The following CASQ1 variants were observed in gnomAD, a reference collection of about 807,000 sequenced individuals.
CASQ1 encodes the protein calsequestrin-1.
Under a neutral mutation model 49.5 loss-of-function variants are expected in CASQ1, and 40 were observed. The observed-to-expected ratio is 0.81, with a 90% CI of 0.63 to 1.05. The LOEUF (loss-of-function observed/expected upper bound fraction) is 1.05. Ranked by LOEUF, CASQ1 falls within the 50% of genes least tolerant of loss-of-function variation. CASQ1 has a pLI of 0.00. For missense variants in CASQ1, 469 were observed against 486.9 expected, an observed-to-expected ratio of 0.96 and a Z score of 0.35; for synonymous variants, 174 against 187.2, an observed-to-expected ratio of 0.93 and a Z score of 0.58.
In CASQ1 at chr1:160,198,365, G is replaced by T. The variant is rs1487490189; in HGVS notation, c.829-312G>T. On this transcript the variant is annotated intron_variant, in intron 7 of 10. Coordinates refer to ENST00000368078, the MANE Select transcript of CASQ1 (RefSeq NM_001231.5). ...ACTAAAAATACAAAATTAGCCAGGT[G>T]TGGTGGCGCATGGCTGTAATCCCAG... 14 of 233,384 alleles carry T rather than the reference G, an allele frequency of 6.0e-5. No homozygotes were observed. In the Admixed American group the frequency reaches 7.1e-4, roughly 12 times the overall value. The allele number at this position is 233,384 out of a possible 1,614,324, so 14.5% of individuals were successfully genotyped here.
intron 9 of CASQ1, 128 bp downstream of exon 9, chr1:160,199,181 G>T (rs755277406): frequency 1.5e-6 from 1 of 684,934 alleles, no homozygotes; most frequent in Non-Finnish European, 2.6e-6. Flanking sequence ...GAGGGTATGC[G>T]TGTTGCATGC....
chr1:160,201,320 G>T lies in CASQ1; in HGVS notation c.1135G>T (p.Asp379Tyr). Reference sequence around the variant, plus strand: ...TGAGGAGCTGGAGGACTGGCTGGAGGATGTCCTGGAGGGCGAGATCAACAC... The same window carrying T: ...TGAGGAGCTGGAGGACTGGCTGGAGTATGTCCTGGAGGGCGAGATCAACAC... ...SAEELEDWLE[D>Y]VLEGEINTED... The change falls in exon 11 of 11, where the codon GAT becomes TAT. Residue 379 changes from aspartate (D) to tyrosine (Y), a missense_variant. Transcript: ENST00000368078. 1.2e-6 allele frequency: 2 copies of T among 1,608,444 alleles called. No individual in the cohort carries two copies. The highest frequency in any genetic ancestry group is 1.7e-6 in the Non-Finnish European group (2 of 1,177,052).
chr1:160,198,376 T>C (rs1485622631), intron 7 of CASQ1: 6 of 242,668 alleles, frequency 2.5e-5, no homozygotes, highest in African/African-American at 1.3e-4. Context: ...TGGTGGCGCA[T>C]GGCTGTAATC....
intron 2 of CASQ1, 90 bp downstream of exon 2, chr1:160,192,976 C>T (rs1204681807): frequency 5.1e-6 from 5 of 984,988 alleles, no homozygotes; most frequent in African/African-American, 3.2e-5. Context: ...CCTTGGGATC[C>T]GAGGGGCTTG....
chr1:160,197,789 T>C (rs181614498), intron 7 of CASQ1, among the ~76,000 whole-genome samples, 175 bp downstream of exon 7: 1,815 of 150,832 alleles, frequency 0.012, 25 homozygotes, highest in Non-Finnish European at 0.019. Flanking sequence ...GAGGCCAAGG[T>C]GGGTGGATCA....
In CASQ1 at chr1:160,194,794, A is replaced by T. The variant is rs565485506; in HGVS notation, c.466-218A>T. ...TATACATACCACACACCCACCATAC[A>T]TATATATCACATGCACACACACACC... On this transcript the variant is annotated intron_variant, in intron 3 of 10. Coordinates refer to ENST00000368078, the MANE Select transcript of CASQ1 (RefSeq NM_001231.5). 3.4e-5 allele frequency among the ~76,000 whole-genome samples: 5 copies of T among 146,758 alleles called. No homozygotes were observed. In the South Asian group the frequency reaches 1.1e-3, roughly 33 times the overall value.
intron 10 of CASQ1, among the ~76,000 whole-genome samples, 170 bp from the exon 11 acceptor site, chr1:160,201,075 A>G (rs1309020811): frequency 2.3e-4 from 1 of 4,332 alleles, no homozygotes; most frequent in Non-Finnish European, 5.4e-3. Flanking sequence ...ACCTGTCACT[A>G]TTCTAACCCA....
intron 5 of CASQ1, 134 bp downstream of exon 5, chr1:160,195,668 C>G: frequency 1.3e-6 from 1 of 786,466 alleles, no homozygotes; most frequent in Non-Finnish European, 2.1e-6. Flanking sequence ...CCCCCCGGCT[C>G]CTCCCACTCC....
chr1:160,195,944 G>C lies in CASQ1; in HGVS notation c.699G>C (p.Glu233Asp). The C allele has an allele frequency of 6.2e-7, 1 of 1,613,996 alleles. No individual in the cohort carries two copies. Among genetic ancestry groups the C allele is most frequent in the South Asian group, 1.1e-5 (1 of 91,050 alleles). Reference sequence around the variant, plus strand: ...AGCTGAATGAGATTGATTTCTACGAGGCCTTCATGGAAGAGCCTGTGACCA... The same window carrying C: ...AGCTGAATGAGATTGATTTCTACGACGCCTTCATGGAAGAGCCTGTGACCA... ...TLKLNEIDFY[E>D]AFMEEPVTIP... Residue 233 changes from glutamate (E) to aspartate (D), a missense_variant, in exon 6 of 11, where the codon GAG becomes GAC. Transcript: ENST00000368078.
At chr1:160,197,496 T>C in intron 6 of CASQ1, 73 bp from the exon 7 acceptor site, 1 of 1,112,732 alleles carries the variant, frequency 9.0e-7, no homozygotes, top group Non-Finnish European at 1.4e-6. Context: ...AGAGGCAGCC[T>C]TTGCTACAGG....
At chr1:160,193,941 A>C in intron 3 of CASQ1, 94 bp downstream of exon 3, 4 of 746,592 alleles carry the variant, frequency 5.4e-6, no homozygotes, top group Admixed American at 1.9e-5. Context: ...GCACACACAC[A>C]CCACACACAC....
chr1:160,195,230 C>T (rs886973379), intron 4 of CASQ1, 107 bp downstream of exon 4: 9 of 779,078 alleles, frequency 1.2e-5, no homozygotes, highest in Admixed American at 4.8e-5. Context: ...CTGCACTTCC[C>T]ACCTCTTCCT....
rs140806225 is a variant in CASQ1, at chr1:160,199,815, T to C, written c.985-36T>C. The C allele has an allele frequency of 5.5e-5, 75 of 1,362,102 alleles. No individual in the cohort carries two copies. The East Asian group carries it at 1.7e-3, about 31-fold the overall frequency. The allele number at this position is 1,362,102 out of a possible 1,614,324, so 84.4% of individuals were successfully genotyped here. A position where few individuals can be genotyped will look rare whatever the true frequency, so the allele number is the denominator to read the frequency against. On this transcript the variant is annotated intron_variant, in intron 9 of 10. Coordinates refer to ENST00000368078, the MANE Select transcript of CASQ1 (RefSeq NM_001231.5). The stretch of plus-strand genomic sequence containing the variant: ...CCTCCTGGATTCATGTGCTCCCTAG[T>C]ATCTATTAAGTTGCTGTATTTTGAT...
intron 9 of CASQ1, 50 bp downstream of exon 9, chr1:160,199,103 G>A (rs772964668): frequency 6.2e-6 from 7 of 1,130,062 alleles, no homozygotes; most frequent in Non-Finnish European, 9.5e-6. Flanking sequence ...GCCTTGGACT[G>A]TGACATCTTC....
Sources: gnomAD v4.1 joint callset for allele counts (sites outside exome capture counted in the v4.1 genomes callset) on GRCh38, gnomAD v4.1.1 for gene constraint, MANE v1.5 for transcripts, NCBI Gene and HGNC (gene_info 2026-07-23, HGNC 2026-07-21) for gene names.